The following SGCD variants were observed in gnomAD, a reference collection of about 807,000 sequenced individuals.
SGCD encodes the protein delta-sarcoglycan.
In SGCD, 18 loss-of-function variants were observed where a neutral mutation model predicts 36.6. The ratio of observed to expected loss-of-function variants is 0.49; its 90% confidence interval spans 0.34 to 0.73. The LOEUF (loss-of-function observed/expected upper bound fraction) is 0.73, where lower values mean the gene tolerates loss of function less well. Ranked by LOEUF, SGCD falls within the 30% of genes least tolerant of loss-of-function variation. The pLI is 0.01. For missense variants in SGCD, 387 were observed against 346.7 expected (o/e 1.12, Z -0.92); for synonymous variants, 133 against 130.6 (o/e 1.02, Z -0.12).
chr5:155,997,594 A>G lies in SGCD; in HGVS notation c.-281-120284A>G, dbSNP rs372546537. On this transcript the variant is annotated intron_variant, in intron 1 of 9. Transcript: ENST00000517913. The stretch of plus-strand genomic sequence containing the variant: ...CATTGTTCCTCTCTTGTTTTAAGTG[A>G]GTCCTTGGCTTTTGCCAGAGAATTT... Among the ~76,000 whole-genome samples the G allele has an allele frequency of 5.9e-5, 9 of 152,254 alleles. No homozygotes were observed. In the East Asian group the frequency reaches 7.7e-4, roughly 13 times the overall value.
chr5:156,564,533 G>A (rs1581175075), intron 4 of SGCD, among the ~76,000 whole-genome samples: 2 of 152,142 alleles, frequency 1.3e-5, no homozygotes, highest in African/African-American at 2.4e-5. Flanking sequence ...CCATTTTTAA[G>A]TATGTAGTTG....
rs1761272617 is a variant in SGCD at position 156,092,624 on chromosome 5, T to C, written c.-281-25254T>C. ...ATGCAATTACTTACCCTTTTGTAGA[T>C]TTCCAAAGGAAAGGCTTTATCTTCC... On this transcript the variant is annotated intron_variant, in intron 1 of 9. Coordinates refer to the SGCD transcript ENST00000517913. Among the ~76,000 whole-genome samples the C allele has an allele frequency of 2.0e-5, 3 of 152,256 alleles. No individual in the cohort carries two copies. The South Asian group carries it at 6.2e-4, about 31-fold the overall frequency.
At chr5:155,768,441 T>C in the SGCD span, among the ~76,000 whole-genome samples, 1 of 152,168 alleles carries the variant, frequency 6.6e-6, no homozygotes. Flanking sequence ...AGGAGCTTCC[T>C]GTTTTTGAGG....
chr5:156,681,844 G>A (rs546114215), intron 7 of SGCD, among the ~76,000 whole-genome samples: 2 of 152,292 alleles, frequency 1.3e-5, no homozygotes, highest in South Asian at 2.1e-4. Context: ...CTCAATTTGA[G>A]GTTACTTTAC....
chr5:156,381,899 G>A (rs1304126752), intron 3 of SGCD, among the ~76,000 whole-genome samples: 3 of 152,152 alleles, frequency 2.0e-5, no homozygotes, highest in African/African-American at 4.8e-5. Flanking sequence ...GATAATAATA[G>A]TATATTCCTC....
intron 1 of SGCD, among the ~76,000 whole-genome samples, chr5:156,036,556 C>T (rs757492726): frequency 2.0e-5 from 3 of 152,140 alleles, no homozygotes; most frequent in Admixed American, 6.6e-5. Context: ...CAGAGACATA[C>T]GTTAAGATGC....
At chr5:156,304,437 C>T (rs1767145684) in intron 3 of SGCD, among the ~76,000 whole-genome samples, 1 of 152,114 alleles carries the variant, frequency 6.6e-6, no homozygotes, top group Admixed American at 6.6e-5. Context: ...TTGCCTATTG[C>T]CATCCATGTA....
chr5:156,765,451 C>G lies in SGCD; in HGVS notation c.*6061C>G, dbSNP rs1307622431. 1 of 152,068 alleles carries G rather than the reference C, an allele frequency of 6.6e-6. No individual in the cohort carries two copies. Among genetic ancestry groups the G allele is most frequent in the African/African-American group, 2.4e-5 (1 of 41,400 alleles). 9.4% of individuals were successfully genotyped at this position (152,068 alleles called of 1,614,324 possible). A position where few individuals can be genotyped will look rare whatever the true frequency, so the allele number is the denominator to read the frequency against. ...TCTGAGCCAATCTATGAAACTTCTC[C>G]CCAAAAAGAACCACCCCACAAAATC... On this transcript the variant is annotated 3_prime_UTR_variant, in exon 9 of 9. Coordinates refer to ENST00000337851, the MANE Select transcript of SGCD (RefSeq NM_000337.6).
intron 1 of SGCD, among the ~76,000 whole-genome samples, chr5:156,000,797 C>CATATATATATATATATATATATATAT (rs1342117827): frequency 6.9e-6 from 1 of 144,944 alleles, no homozygotes; most frequent in African/African-American, 2.9e-5. Flanking sequence ...TTTTTCCTCA[C>CATATATATATATATATATATATATAT]ACATATATAT....
the SGCD span, among the ~76,000 whole-genome samples, chr5:155,788,232 A>G: frequency 6.6e-6 from 1 of 152,132 alleles, no homozygotes; most frequent in East Asian, 1.9e-4. Flanking sequence ...CTTCAAAATA[A>G]TGTTTCTTAA....
At chr5:156,545,290 T>C (rs1758525049) in intron 4 of SGCD, among the ~76,000 whole-genome samples, 1 of 151,866 alleles carries the variant, frequency 6.6e-6, no homozygotes, top group African/African-American at 2.4e-5. Flanking sequence ...TTATCAAGAG[T>C]AGTGGATTGG....
At chr5:156,425,770 C>T (rs1773646882) in intron 3 of SGCD, among the ~76,000 whole-genome samples, 2 of 152,006 alleles carry the variant, frequency 1.3e-5, no homozygotes, top group African/African-American at 4.8e-5. Context: ...CCTTCGTATT[C>T]TCATAGCTTA....
chr5:155,854,669 C>A, the SGCD span, among the ~76,000 whole-genome samples: 1 of 152,022 alleles, frequency 6.6e-6, no homozygotes, highest in Non-Finnish European at 1.5e-5. Flanking sequence ...TGAATTGAGA[C>A]CCAGAATAAA....
intron 3 of SGCD, among the ~76,000 whole-genome samples, chr5:156,241,431 C>A (rs1050415018): frequency 5.9e-5 from 9 of 152,140 alleles, no homozygotes; most frequent in African/African-American, 1.9e-4. Flanking sequence ...AAATTTCTCT[C>A]CTGATGACTT....
At chr5:156,346,340 A>G (rs11750080) in intron 3 of SGCD, among the ~76,000 whole-genome samples, 61,709 of 151,682 alleles carry the variant, frequency 0.41, 13,318 homozygotes, top group East Asian at 0.79. Flanking sequence ...ACTTTTTCAC[A>G]GACGCTGTAG....
At chr5:156,434,295 C>T (rs1004988403) in intron 3 of SGCD, among the ~76,000 whole-genome samples, 6 of 152,306 alleles carry the variant, frequency 3.9e-5, no homozygotes, top group African/African-American at 1.2e-4. Context: ...TAAGGCAAAA[C>T]TAAGATACAC....
intron 3 of SGCD, among the ~76,000 whole-genome samples, chr5:156,292,023 C>A (rs1766771076): frequency 6.6e-6 from 1 of 151,998 alleles, no homozygotes. Flanking sequence ...CACTAGTAAC[C>A]ACCATTCTAC....
chr5:156,422,695 TGTG>T (rs1312422499), intron 3 of SGCD, among the ~76,000 whole-genome samples: 1 of 152,034 alleles, frequency 6.6e-6, no homozygotes, highest in Non-Finnish European at 1.5e-5. Context: ...GTAACTCTGT[TGTG>T]GTACATATCC....
intron 6 of SGCD, among the ~76,000 whole-genome samples, chr5:156,629,461 A>G (rs1471026491): frequency 1.3e-5 from 2 of 152,250 alleles, no homozygotes; most frequent in African/African-American, 2.4e-5. Context: ...TGTCAAAACC[A>G]TGAAGTACTT....
Sources: allele counts gnomAD v4.1 joint callset (sites outside exome capture counted in the v4.1 genomes callset), GRCh38; gene constraint gnomAD v4.1.1; transcripts MANE v1.5; gene names NCBI Gene and HGNC (gene_info 2026-07-23, HGNC 2026-07-21).